ZNF888: variants seen among roughly 807,000 people sequenced by gnomAD.
The protein encoded by ZNF888 is CTD-2331H12.6.
A neutral mutation model predicts 7.2 loss-of-function variants in ZNF888; 5 were observed. The observed-to-expected ratio is 0.70, with a 90% CI of 0.36 to 1.46. ZNF888 has a LOEUF of 1.46. Among genes scored for constraint, ZNF888 ranks in the 40% most tolerant of loss-of-function variants. The pLI, the probability that ZNF888 is intolerant of heterozygous loss-of-function variation, is 0.03. For synonymous variants in ZNF888, 240 were observed against 284.3 expected (o/e 0.84, Z 1.57); for missense variants, 716 against 858.0 (o/e 0.83, Z 2.07).
At position 52,906,183 on chromosome 19, in the gene ZNF888, A is replaced by C. The variant is rs865808989; in HGVS notation, c.2139T>G (p.Gly713=). ...CATTACATTAGTCAAGTTTCCCTAC[A>C]CCATGGATTGCCTGATGGTGAATAA... The part of the protein sequence containing the change: ...STLIHHQAIH[G]VGKLD Residue 713 remains glycine, a synonymous_variant, in exon 5 of 5, where the codon GGT becomes GGG. Transcript: ENST00000638862. 24 of 1,611,500 alleles carry C rather than the reference A, an allele frequency of 1.5e-5. No homozygotes were observed. In the African/African-American group the frequency reaches 2.4e-4, roughly 16 times the overall value.
chr19:52,922,981 G>A (rs2064839821), intron 1 of ZNF888, among the ~76,000 whole-genome samples: 1 of 152,158 alleles, frequency 6.6e-6, no homozygotes, highest in Non-Finnish European at 1.5e-5. Flanking sequence ...CAGAGAACGC[G>A]GCCTCCCTGG....
chr19:52,923,131 T>G (rs892434727), intron 1 of ZNF888, among the ~76,000 whole-genome samples: 80 of 152,172 alleles, frequency 5.3e-4, no homozygotes, highest in Non-Finnish European at 1.8e-4. Context: ...ACGGGAAAAC[T>G]ACGCGATACA....
In ZNF888 at chr19:52,906,068, C is replaced by G. The variant is rs1298818020; in HGVS notation, c.*97G>C. 8 of 1,587,612 alleles carry G rather than the reference C, an allele frequency of 5.0e-6. No homozygotes were observed. Among genetic ancestry groups the G allele is most frequent in the African/African-American group, 1.3e-5 (1 of 74,420 alleles). On this transcript the variant is annotated 3_prime_UTR_variant, in exon 5 of 5. Transcript: ENST00000638862. ...TATGAACGATGTCTGAAAAATTTGC[C>G]ACATTTACTACACTTGTAAGATCTC...
At position 52,907,867 on chromosome 19, in the gene ZNF888, A is replaced by G. The variant is rs2064630255; in HGVS notation, c.455T>C (p.Ile152Thr). The G allele has an allele frequency of 2.5e-6, 4 of 1,614,170 alleles. No homozygotes were observed. The highest frequency in any genetic ancestry group is 1.3e-5 in the African/African-American group (1 of 75,052). The change falls in exon 5 of 5, where the codon ATA becomes ACA. Residue 152 changes from isoleucine to threonine, a missense_variant. Coordinates refer to ENST00000638862, the MANE Select transcript of ZNF888 (RefSeq NM_001393938.1). The part of the protein sequence containing the change: ...SFHSHLPELH[I>T]FQPEGKIGNQ... The stretch of plus-strand genomic sequence containing the variant: ...ACCAATTTTCCCTTCGGGCTGAAAT[A>G]TGTGCAGTTCAGGCAGATGTGAATG...
chr19:52,921,394 C>T (rs1415284762), intron 1 of ZNF888, among the ~76,000 whole-genome samples: 1 of 152,106 alleles, frequency 6.6e-6, no homozygotes, highest in Non-Finnish European at 1.5e-5. Context: ...GCTGTGATGT[C>T]CTCACAGTGA....
chr19:52,906,667 C>T lies in ZNF888; in HGVS notation c.1655G>A (p.Cys552Tyr). Reference sequence around the variant, plus strand: ...ATTAAAACTTTTGCCACATTCATTACACTTGTAACGTTTCTCTCCAGTATG... The same window carrying T: ...ATTAAAACTTTTGCCACATTCATTATACTTGTAACGTTTCTCTCCAGTATG... ...VIHTGEKRYK[C>Y]NECGKSFNHK... The change falls in exon 5 of 5, where the codon TGT becomes TAT. Residue 552 changes from cysteine (C) to tyrosine (Y), a missense_variant. Cys to Tyr is a radical substitution (Grantham distance 194). Transcript: ENST00000638862. 1.9e-6 allele frequency: 3 copies of T among 1,613,828 alleles called. No individual in the cohort carries two copies. The highest frequency in any genetic ancestry group is 2.5e-6 in the Non-Finnish European group (3 of 1,179,818).
intron 1 of ZNF888, among the ~76,000 whole-genome samples, chr19:52,922,048 C>T (rs886239888): frequency 3.3e-5 from 5 of 152,124 alleles, no homozygotes; most frequent in African/African-American, 9.7e-5. Flanking sequence ...GGTGTGATGG[C>T]TCACACCTGT....
At position 52,920,087 on chromosome 19, in the gene ZNF888, G is replaced by A. The variant is rs1359776350; in HGVS notation, c.-177-1150C>T. Among the ~76,000 whole-genome samples, 13 of 52,274 alleles carry A rather than the reference G, an allele frequency of 2.5e-4. 4 individuals carry two copies. The highest frequency in any genetic ancestry group is 6.9e-4 in the East Asian group (2 of 2,896). The allele number at this position is 52,274 out of a possible 152,430, so 34.3% of individuals were successfully genotyped here. A position where few individuals can be genotyped will look rare whatever the true frequency, so the allele number is the denominator to read the frequency against. On this transcript the variant is annotated intron_variant, in intron 1 of 4. Coordinates refer to ENST00000638862, the MANE Select transcript of ZNF888 (RefSeq NM_001393938.1). The stretch of plus-strand genomic sequence containing the variant: ...AGGTTGGGGGGTCAGCCCCCCGCCC[G>A]GCCAGCCGCCCTATCCAGGAGGTGA...
chr19:52,907,884 A>G lies in ZNF888; in HGVS notation c.438T>C (p.His146=). Residue 146 remains histidine (H), a synonymous_variant, in exon 5 of 5, where the codon CAT becomes CAC. Coordinates refer to ENST00000638862, the MANE Select transcript of ZNF888 (RefSeq NM_001393938.1). ...GCTGAAATATGTGCAGTTCAGGCAG[A>G]TGTGAATGAAAGCTTGATCCAAGCT... ...KYQLGSSFHS[H]LPELHIFQPE... 6.2e-7 allele frequency: 1 copy of G among 1,614,196 alleles called. No individual in the cohort carries two copies. The highest frequency in any genetic ancestry group is 8.5e-7 in the Non-Finnish European group (1 of 1,180,032).
At position 52,906,213 on chromosome 19, in the gene ZNF888, T is replaced by G; in HGVS notation, c.2109A>C (p.Ser703=). The change falls in exon 5 of 5, where the codon TCA becomes TCC. Residue 703 remains serine (S), a synonymous_variant. Transcript: ENST00000638862. ...SECGKAFRAQ[S]TLIHHQAIHG... is the part of the protein sequence containing the mutation. ...GGATTGCCTGATGGTGAATAAGTGT[T>G]GACTGTGCACGAAAGGCTTTGCCAC... 1 of 1,610,560 alleles carries G rather than the reference T, an allele frequency of 6.2e-7. No homozygotes were observed. Among genetic ancestry groups the G allele is most frequent in the Admixed American group, 1.7e-5 (1 of 59,936 alleles).
intron 1 of ZNF888, 60 bp downstream of exon 1, chr19:52,923,309 G>A: frequency 1.0e-6 from 1 of 985,594 alleles, no homozygotes; most frequent in Non-Finnish European, 1.2e-6. Flanking sequence ...CCACATCCCA[G>A]GTACAGAATT....
At chr19:52,920,787 A>T (rs1254743052) in intron 1 of ZNF888, among the ~76,000 whole-genome samples, 1 of 65,484 alleles carries the variant, frequency 1.5e-5, no homozygotes, top group Non-Finnish European at 3.6e-5. Context: ...GTCTTTCTTT[A>T]ATGTATTTGA....
chr19:52,910,876 A>T (rs1474041940), intron 4 of ZNF888, among the ~76,000 whole-genome samples: 2 of 151,938 alleles, frequency 1.3e-5, no homozygotes, highest in Non-Finnish European at 2.9e-5. Context: ...TGATTCTCCT[A>T]CCTCAAGTGA....
chr19:52,918,981 TCTC>T, intron 1 of ZNF888, 44 bp from the exon 2 acceptor site: 1 of 2 alleles, frequency 0.5, no homozygotes, highest in Non-Finnish European at 0.5. Flanking sequence ...TCCCCCTCCC[TCTC>T]CCTCTCCCTC....
chr19:52,913,822 C>G, intron 4 of ZNF888: 1 of 829,536 alleles, frequency 1.2e-6, no homozygotes, highest in East Asian at 1.2e-4. Flanking sequence ...AACTAAAAGA[C>G]AAAACTATTT....
At chr19:52,911,992 T>C (rs2064686568) in intron 4 of ZNF888, among the ~76,000 whole-genome samples, 1 of 148,762 alleles carries the variant, frequency 6.7e-6, no homozygotes, top group Non-Finnish European at 1.5e-5. Flanking sequence ...TTTTTGTATT[T>C]TTAGTAGAGA....
At chr19:52,912,007 G>A (rs570168451) in intron 4 of ZNF888, among the ~76,000 whole-genome samples, 49 of 150,544 alleles carry the variant, frequency 3.3e-4, no homozygotes, top group African/African-American at 1.2e-3. Flanking sequence ...TAGAGAAGGG[G>A]TTTCACCGTG....
At chr19:52,920,489 C>CAAAAAAAAAAAA (rs1191621530) in intron 1 of ZNF888, among the ~76,000 whole-genome samples, 2 of 6,866 alleles carry the variant, frequency 2.9e-4, no homozygotes, top group Non-Finnish European at 6.2e-4. Flanking sequence ...TGCTTGAAGG[C>CAAAAAAAAAAAA]AAAAAAAAAA....
intron 4 of ZNF888, 39 bp from the exon 5 acceptor site, chr19:52,908,218 C>G (rs1385494516): frequency 1.9e-6 from 3 of 1,564,514 alleles, no homozygotes; most frequent in Non-Finnish European, 2.6e-6. Context: ...CAATTCAGTA[C>G]AGATAATATA....
Sources: gnomAD v4.1 joint callset for allele counts (sites outside exome capture counted in the v4.1 genomes callset) on GRCh38, gnomAD v4.1.1 for gene constraint, MANE v1.5 for transcripts, NCBI Gene and HGNC (gene_info 2026-07-23, HGNC 2026-07-21) for gene names.